Variants in TNIK observed in about 807,000 individuals in gnomAD.
TNIK encodes the protein TRAF2 and NCK interacting kinase.
A neutral mutation model predicts 191.3 loss-of-function variants in TNIK; 49 were observed. The ratio of observed to expected loss-of-function variants is 0.26; its 90% CI spans 0.20 to 0.32. TNIK has a LOEUF of 0.32. Ranked by LOEUF, TNIK falls within the 10% of genes least tolerant of loss-of-function variation. The pLI, the probability that TNIK is intolerant of heterozygous loss-of-function variation, is 1.00. For missense variants in TNIK, 1,155 were observed against 1,702.3 expected, an observed-to-expected ratio of 0.68 and a Z score of 5.66; for synonymous variants, 594 against 600.9, an observed-to-expected ratio of 0.99 and a Z score of 0.17.
chr3:171,068,022 CG>C (rs1718692922), intron 30 of TNIK, among the ~76,000 whole-genome samples: 1 of 152,146 alleles, frequency 6.6e-6, no homozygotes, highest in Non-Finnish European at 1.5e-5. Context: ...TACCAGTCAG[CG>C]GTAGCTTCAA....
intron 24 of TNIK, among the ~76,000 whole-genome samples, chr3:171,085,755 C>A (rs1195239380): frequency 4.6e-5 from 7 of 152,164 alleles, no homozygotes; most frequent in African/African-American, 9.7e-5. Context: ...GCTTTAAAAT[C>A]CTCAATTCAG....
intron 3 of TNIK, among the ~76,000 whole-genome samples, chr3:171,220,773 C>T (rs1442812068): frequency 2.0e-5 from 3 of 152,058 alleles, no homozygotes; most frequent in Non-Finnish European, 2.9e-5. Context: ...AATAAAAGGA[C>T]CAGTGAATAT....
chr3:171,248,951 T>A (rs746745898), intron 2 of TNIK, among the ~76,000 whole-genome samples: 31 of 152,200 alleles, frequency 2.0e-4, no homozygotes, highest in Non-Finnish European at 4.4e-4. Flanking sequence ...AATAAAATGG[T>A]GATTTTGCTT....
At chr3:171,112,780 C>G (rs1726038550) in intron 18 of TNIK, among the ~76,000 whole-genome samples, 1 of 151,686 alleles carries the variant, frequency 6.6e-6, no homozygotes, top group African/African-American at 2.4e-5. Context: ...TATTCTTATG[C>G]TGTGTAATAG....
chr3:171,287,742 G>A (rs1577358647), intron 2 of TNIK, among the ~76,000 whole-genome samples: 1 of 152,202 alleles, frequency 6.6e-6, no homozygotes. Flanking sequence ...ATCAAAGTCA[G>A]TGAACTCCTT....
chr3:171,332,416 A>G (rs757075799), intron 2 of TNIK, among the ~76,000 whole-genome samples: 1 of 152,250 alleles, frequency 6.6e-6, no homozygotes. Context: ...GGCATAGCCA[A>G]ACTTCTTTCC....
At chr3:171,425,032 A>G (rs1206670899) in intron 1 of TNIK, among the ~76,000 whole-genome samples, 1 of 152,148 alleles carries the variant, frequency 6.6e-6, no homozygotes, top group East Asian at 1.9e-4. Context: ...AATGACTACA[A>G]TCACCCAAAT....
At position 171,200,767 on chromosome 3, in the gene TNIK, G is replaced by A. The variant is rs186830265; in HGVS notation, c.307-6132C>T. Among the ~76,000 whole-genome samples the A allele has an allele frequency of 2.6e-5, 4 of 152,296 alleles. No individual in the cohort carries two copies. In the East Asian group the frequency reaches 7.7e-4, roughly 29 times the overall value. ...CTCTAAAAGAATTTTAAAAGATTTA[G>A]TCTCAAAGGCAGTCAAAGGTTTGGA... On this transcript the variant is annotated intron_variant, in intron 4 of 32. Coordinates refer to ENST00000436636, the MANE Select transcript of TNIK (RefSeq NM_015028.4).
intron 3 of TNIK, among the ~76,000 whole-genome samples, chr3:171,223,814 T>C (rs1742652788): frequency 6.6e-6 from 1 of 152,208 alleles, no homozygotes; most frequent in Non-Finnish European, 1.5e-5. Flanking sequence ...AACACTTTAC[T>C]TAAGGACCAA....
At chr3:171,364,483 T>C (rs1715423342) in intron 2 of TNIK, among the ~76,000 whole-genome samples, 1 of 151,862 alleles carries the variant, frequency 6.6e-6, no homozygotes, top group Non-Finnish European at 1.5e-5. Flanking sequence ...TGGGAACAAA[T>C]ATAGAAAGAA....
intron 2 of TNIK, among the ~76,000 whole-genome samples, chr3:171,354,402 G>C (rs1009880848): frequency 5.9e-5 from 9 of 152,092 alleles, no homozygotes; most frequent in African/African-American, 2.2e-4. Context: ...TGTTCCTCAA[G>C]GAAATTTCAA....
intron 1 of TNIK, among the ~76,000 whole-genome samples, chr3:171,449,990 G>C (rs1396311792): frequency 1.3e-5 from 2 of 151,496 alleles, no homozygotes; most frequent in Non-Finnish European, 2.9e-5. Context: ...CAGCCAACAC[G>C]GTGCCACTGC....
intron 1 of TNIK, among the ~76,000 whole-genome samples, chr3:171,383,641 G>T (rs934414159): frequency 1.3e-5 from 2 of 151,890 alleles, no homozygotes; most frequent in African/African-American, 4.8e-5. Context: ...CATTTTCTTA[G>T]CCAAAAAAAA....
intron 30 of TNIK, 91 bp from the exon 31 acceptor site, chr3:171,066,826 G>T (rs937017523): frequency 5.6e-6 from 8 of 1,440,396 alleles, no homozygotes; most frequent in Non-Finnish European, 7.4e-6. Context: ...AGAGGTTTTT[G>T]TTTATTTTCA....
At chr3:171,224,776 G>A (rs549082317) in intron 3 of TNIK, among the ~76,000 whole-genome samples, 24 of 152,136 alleles carry the variant, frequency 1.6e-4, no homozygotes, top group Non-Finnish European at 2.5e-4. Context: ...AAATCCAGCT[G>A]AGAGGTAAAT....
chr3:171,132,540 G>A (rs1363858319), intron 15 of TNIK, among the ~76,000 whole-genome samples: 1 of 152,034 alleles, frequency 6.6e-6, no homozygotes, highest in African/African-American at 2.4e-5. Context: ...AAATAAATTT[G>A]TTAATTTCAG....
chr3:171,302,128 A>G (rs34204508), intron 2 of TNIK, among the ~76,000 whole-genome samples: 1 of 152,148 alleles, frequency 6.6e-6, no homozygotes, highest in Non-Finnish European at 1.5e-5. Flanking sequence ...TGGGGGTGAA[A>G]AACAGCAGCT....
At chr3:171,452,741 CA>C (rs2108733172) in intron 1 of TNIK, among the ~76,000 whole-genome samples, 1 of 146,470 alleles carries the variant, frequency 6.8e-6, no homozygotes, top group African/African-American at 2.6e-5. Context: ...CACACACACA[CA>C]CACACACACA....
chr3:171,263,497 A>C (rs900043472), intron 2 of TNIK, among the ~76,000 whole-genome samples: 11 of 152,302 alleles, frequency 7.2e-5, no homozygotes, highest in African/African-American at 2.6e-4. Context: ...AATTTCAATG[A>C]TGTTGCCTTT....
Sources: allele counts gnomAD v4.1 joint callset (sites outside exome capture counted in the v4.1 genomes callset), GRCh38; gene constraint gnomAD v4.1.1; transcripts MANE v1.5; gene names NCBI Gene and HGNC (gene_info 2026-07-23, HGNC 2026-07-21).